Variants in DPP6 observed in about 807,000 individuals in gnomAD.
DPP6 encodes dipeptidyl peptidase like 6, also known as A-type potassium channel modulatory protein DPP6.
Under a neutral mutation model 122.6 loss-of-function variants are expected in DPP6, and 69 were observed. The ratio of observed to expected loss-of-function variants is 0.56; its 90% CI spans 0.46 to 0.69. The LOEUF (loss-of-function observed/expected upper bound fraction) is 0.69, where lower values mean the gene tolerates loss of function less well. Among genes scored for constraint, DPP6 ranks in the 30% least tolerant of loss-of-function variants. The pLI is 0.00. For missense variants in DPP6, 928 were observed against 1,116.9 expected, an observed-to-expected ratio of 0.83 and a Z score of 2.41; for synonymous variants, 418 against 433.1, an observed-to-expected ratio of 0.97 and a Z score of 0.43.
intron 8 of DPP6, among the ~76,000 whole-genome samples, chr7:154,746,788 G>T (rs1156930117): frequency 6.6e-6 from 1 of 152,132 alleles, no homozygotes; most frequent in East Asian, 1.9e-4. Context: ...ACAAACAGAA[G>T]ATTCATTGAG....
At chr7:154,867,601 T>G (rs1180540308) in intron 17 of DPP6, among the ~76,000 whole-genome samples, 1 of 152,254 alleles carries the variant, frequency 6.6e-6, no homozygotes, top group Non-Finnish European at 1.5e-5. Context: ...TTTCCTTTTC[T>G]GGTTATTATG....
At chr7:154,541,286 G>A (rs936545864) in intron 4 of DPP6, among the ~76,000 whole-genome samples, 43 of 151,994 alleles carry the variant, frequency 2.8e-4, no homozygotes, top group Non-Finnish European at 4.9e-4. Context: ...GTGTGCCGCC[G>A]TGCCCAGCTA....
chr7:153,817,798 G>T, the DPP6 span, among the ~76,000 whole-genome samples: 1 of 150,566 alleles, frequency 6.6e-6, no homozygotes, highest in Non-Finnish European at 1.5e-5. Flanking sequence ...GATAGCATTA[G>T]GAGATATACC....
At chr7:153,820,277 G>C in the DPP6 span, among the ~76,000 whole-genome samples, 2 of 152,206 alleles carry the variant, frequency 1.3e-5, no homozygotes, top group Non-Finnish European at 2.9e-5. Flanking sequence ...TGGGTAGCAA[G>C]AGATGCTGTG....
chr7:153,933,705 T>TCA lies in DPP6; in HGVS notation c.51+45983_51+45984dup, dbSNP rs1012813919. ...CATTCTCTCTCTCTCTCTCTCTCTC[T>TCA]CACACACACACACCTGCATAGAAAC... On this transcript the variant is annotated intron_variant, in intron 1 of 25. Coordinates refer to the DPP6 transcript ENST00000404039. 1.8e-3 allele frequency among the ~76,000 whole-genome samples: 253 copies of TCA among 141,110 alleles called. 2 individuals carry two copies. The highest frequency in any genetic ancestry group is 5.9e-3 in the African/African-American group (231 of 39,130). 92.6% of individuals were successfully genotyped at this position (141,110 alleles called of 152,430 possible).
At chr7:154,865,971 G>C (rs999426342) in intron 17 of DPP6, among the ~76,000 whole-genome samples, 1 of 152,188 alleles carries the variant, frequency 6.6e-6, no homozygotes, top group Non-Finnish European at 1.5e-5. Flanking sequence ...CTTGGCGAGG[G>C]GTAGGGAGAA....
chr7:154,485,677 T>C (rs898392137), intron 3 of DPP6, among the ~76,000 whole-genome samples: 2 of 152,226 alleles, frequency 1.3e-5, no homozygotes, highest in African/African-American at 2.4e-5. Context: ...GACAGTATCA[T>C]TTAGCGCCAG....
intron 11 of DPP6, among the ~76,000 whole-genome samples, chr7:154,794,879 C>G (rs1165522222): frequency 3.4e-4 from 12 of 35,456 alleles, no homozygotes; most frequent in Middle Eastern, 0.014. Context: ...TTAATACATT[C>G]AGGCAGGCCT....
intron 1 of DPP6, among the ~76,000 whole-genome samples, chr7:154,125,771 A>C (rs142706535): frequency 0.033 from 5,005 of 152,250 alleles, 115 homozygotes; most frequent in Middle Eastern, 0.085. Context: ...CAGAGACTCT[A>C]TTGTGTTCAG....
chr7:154,366,674 AATG>A (rs894422365), intron 1 of DPP6, among the ~76,000 whole-genome samples: 1 of 152,204 alleles, frequency 6.6e-6, no homozygotes, highest in African/African-American at 2.4e-5. Flanking sequence ...ACATCAGCAG[AATG>A]TTTTAAATCA....
In DPP6 at chr7:154,249,349, G is replaced by A. The variant is rs914040920; in HGVS notation, c.243+196286G>A. On this transcript the variant is annotated intron_variant, in intron 1 of 25. Transcript: ENST00000377770. ...AGGAAAGGAACTTTAATTTTATAGC[G>A]AATGAAAAATATCAATTAACCTATT... is the stretch of plus-strand genomic sequence containing the variant. Among the ~76,000 whole-genome samples the A allele has an allele frequency of 6.6e-5, 10 of 152,142 alleles. No individual in the cohort carries two copies. The East Asian group carries it at 7.7e-4, about 12-fold the overall frequency.
chr7:153,773,801 GA>G, the DPP6 span, among the ~76,000 whole-genome samples: 59 of 141,068 alleles, frequency 4.2e-4, no homozygotes, highest in Admixed American at 3.9e-3. Flanking sequence ...GAAACAAGAG[GA>G]AAAGCAAGTT....
chr7:154,362,248 T>A (rs1811792435), intron 1 of DPP6, among the ~76,000 whole-genome samples: 2 of 152,214 alleles, frequency 1.3e-5, no homozygotes, highest in Admixed American at 1.3e-4. Context: ...ACAGCTTCTG[T>A]GGCTTCGCTC....
chr7:154,569,536 A>G (rs891275638), intron 5 of DPP6, among the ~76,000 whole-genome samples: 2 of 151,910 alleles, frequency 1.3e-5, no homozygotes, highest in African/African-American at 4.9e-5. Context: ...ATTCATGCTC[A>G]ACATATTCTT....
chr7:154,854,842 T>G (rs184186716), intron 17 of DPP6, among the ~76,000 whole-genome samples: 67 of 152,230 alleles, frequency 4.4e-4, no homozygotes, highest in Non-Finnish European at 6.5e-4. Flanking sequence ...TCGCCCTCGG[T>G]CCCTCCCTTT....
At chr7:153,934,860 G>A (rs1259780201) in intron 1 of DPP6, among the ~76,000 whole-genome samples, 2 of 152,240 alleles carry the variant, frequency 1.3e-5, no homozygotes, top group African/African-American at 2.4e-5. Context: ...TGACCAGGAT[G>A]GATCCTGGTC....
chr7:154,060,314 G>T (rs1411600005), intron 1 of DPP6, among the ~76,000 whole-genome samples: 30 of 135,852 alleles, frequency 2.2e-4, no homozygotes, highest in South Asian at 4.7e-4. Context: ...TGGCTCTTAG[G>T]ACCCCCATCG....
At position 154,893,010 on chromosome 7, in the gene DPP6, C is replaced by A. The variant is rs757213666; in HGVS notation, c.*530C>A. On this transcript the variant is annotated 3_prime_UTR_variant, in exon 26 of 26. Transcript: ENST00000377770. ...TGAGGACGTTCAACATGGTGAGGGG[C>A]TACAAGAAAACGCTTTTCTGTACAG... 4.0e-6 allele frequency: 2 copies of A among 501,374 alleles called. No homozygotes were observed. Among genetic ancestry groups the A allele is most frequent in the Non-Finnish European group, 8.0e-6 (2 of 248,598 alleles). 31.1% of individuals were successfully genotyped at this position (501,374 alleles called of 1,614,324 possible).
At chr7:154,183,106 T>C (rs1002003573) in intron 1 of DPP6, among the ~76,000 whole-genome samples, 3 of 152,174 alleles carry the variant, frequency 2.0e-5, no homozygotes, top group Admixed American at 6.5e-5. Context: ...ATTTTGCTGT[T>C]GTTGAGTCCC....
Sources: allele counts gnomAD v4.1 joint callset (sites outside exome capture counted in the v4.1 genomes callset), GRCh38; gene constraint gnomAD v4.1.1; transcripts MANE v1.5; gene names NCBI Gene and HGNC (gene_info 2026-07-23, HGNC 2026-07-21).